The following ANKRD45 variants were observed in gnomAD, a reference collection of about 807,000 sequenced individuals.
ANKRD45 encodes the protein ankyrin repeat domain 45.
A neutral mutation model predicts 28.1 loss-of-function variants in ANKRD45; 21 were observed. That is an observed-to-expected ratio of 0.75 (90% CI 0.53 to 1.08). The LOEUF (loss-of-function observed/expected upper bound fraction) is 1.08, where lower values mean the gene tolerates loss of function less well. Among genes scored for constraint, ANKRD45 ranks in the 50% least tolerant of loss-of-function variants. The probability of loss-of-function intolerance (pLI) is 0.00; values close to 1 mark genes in which losing one functional copy is unlikely to be tolerated. For synonymous variants in ANKRD45, 86 were observed against 103.9 expected, an observed-to-expected ratio of 0.83 and a Z score of 1.05; for missense variants, 261 against 308.7, an observed-to-expected ratio of 0.85 and a Z score of 1.16.
chr1:173,690,923 T>G, the ANKRD45 span, among the ~76,000 whole-genome samples: 1 of 152,122 alleles, frequency 6.6e-6, no homozygotes, highest in Non-Finnish European at 1.5e-5. Flanking sequence ...GGGCTCAATT[T>G]CCCCACTGGA....
At chr1:173,637,134 A>G (rs1054655332) in intron 3 of ANKRD45, 34 of 897,382 alleles carry the variant, frequency 3.8e-5, no homozygotes, top group Non-Finnish European at 5.4e-5. Context: ...ACCTTTATAA[A>G]CTTTTTGCCA....
At chr1:173,668,314 C>T (rs1670109003) in intron 1 of ANKRD45, among the ~76,000 whole-genome samples, 1 of 152,186 alleles carries the variant, frequency 6.6e-6, no homozygotes, top group Admixed American at 6.5e-5. Flanking sequence ...GTGCAAACCA[C>T]TCCAGTCAGG....
At chr1:173,705,194 C>T in the ANKRD45 span, among the ~76,000 whole-genome samples, 1 of 152,162 alleles carries the variant, frequency 6.6e-6, no homozygotes, top group African/African-American at 2.4e-5. Context: ...TGGTACATTA[C>T]AGCATTAACT....
intron 1 of ANKRD45, among the ~76,000 whole-genome samples, chr1:173,665,368 T>G (rs1669962377): frequency 6.6e-6 from 1 of 152,174 alleles, no homozygotes; most frequent in Non-Finnish European, 1.5e-5. Flanking sequence ...TGCCATAGTT[T>G]ATTCCTATGC....
chr1:173,696,366 G>C, the ANKRD45 span, among the ~76,000 whole-genome samples: 1 of 152,216 alleles, frequency 6.6e-6, no homozygotes, highest in Non-Finnish European at 1.5e-5. Flanking sequence ...CCAGTGTCCA[G>C]AATGACATTT....
At chr1:173,690,285 G>A in the ANKRD45 span, among the ~76,000 whole-genome samples, 1 of 152,182 alleles carries the variant, frequency 6.6e-6, no homozygotes, top group Admixed American at 6.5e-5. Flanking sequence ...GGGATAATGT[G>A]AGTAGAGGGG....
intron 1 of ANKRD45, among the ~76,000 whole-genome samples, chr1:173,660,432 A>T (rs2102390487): frequency 6.6e-6 from 1 of 152,334 alleles, no homozygotes; most frequent in South Asian, 2.1e-4. Flanking sequence ...AATTACAATG[A>T]TATGCCATAT....
chr1:173,659,565 A>G, intron 1 of ANKRD45, 132 bp from the exon 2 acceptor site: 1 of 785,922 alleles, frequency 1.3e-6, no homozygotes, highest in East Asian at 2.8e-5. Context: ...ACTATAAAGT[A>G]AGATACTTCA....
chr1:173,701,760 C>G, the ANKRD45 span, among the ~76,000 whole-genome samples: 1 of 152,020 alleles, frequency 6.6e-6, no homozygotes, highest in Non-Finnish European at 1.5e-5. Context: ...ATGGCACATG[C>G]CTATGTAACA....
intron 1 of ANKRD45, among the ~76,000 whole-genome samples, chr1:173,668,512 A>G (rs1211918482): frequency 1.3e-5 from 2 of 152,220 alleles, no homozygotes; most frequent in East Asian, 3.8e-4. Context: ...GGGAAGGCAA[A>G]GGGACCCTGA....
At chr1:173,636,787 T>C (rs2102341423) in intron 3 of ANKRD45, 1 of 1,415,120 alleles carries the variant, frequency 7.1e-7, no homozygotes, top group African/African-American at 1.4e-5. Flanking sequence ...AACTCTACTG[T>C]TTTATGTAGA....
intron 5 of ANKRD45, among the ~76,000 whole-genome samples, chr1:173,623,654 G>A (rs915539183): frequency 4.6e-5 from 7 of 152,086 alleles, no homozygotes; most frequent in African/African-American, 1.7e-4. Flanking sequence ...AAAGATATAT[G>A]CATGTGTATG....
At chr1:173,688,497 C>CCTCT in the ANKRD45 span, among the ~76,000 whole-genome samples, 30 of 120,248 alleles carry the variant, frequency 2.5e-4, 1 homozygote, top group African/African-American at 8.8e-4. Flanking sequence ...TCTGCCTCTT[C>CCTCT]CTCTCTCTGC....
chr1:173,655,988 G>A (rs192736493), intron 2 of ANKRD45, among the ~76,000 whole-genome samples: 8 of 152,310 alleles, frequency 5.3e-5, no homozygotes, highest in Admixed American at 4.6e-4. Flanking sequence ...GGAATGTCCC[G>A]TTTTTCCAGG....
chr1:173,675,189 T>C, the ANKRD45 span, among the ~76,000 whole-genome samples: 1 of 152,174 alleles, frequency 6.6e-6, no homozygotes. Flanking sequence ...GTTTAAGTTA[T>C]TTAGCTTCAG....
intron 2 of ANKRD45, among the ~76,000 whole-genome samples, chr1:173,654,459 G>C (rs914526546): frequency 6.6e-6 from 1 of 152,202 alleles, no homozygotes. Flanking sequence ...TTTCTGCCGA[G>C]AGATCAGCTG....
upstream of ANKRD45, among the ~76,000 whole-genome samples, chr1:173,672,382 T>C (rs911538985): frequency 6.6e-5 from 10 of 152,220 alleles, no homozygotes; most frequent in African/African-American, 1.9e-4. Context: ...AGTTTTAACA[T>C]GCTATTTTTC....
chr1:173,677,883 A>C, the ANKRD45 span, among the ~76,000 whole-genome samples: 1 of 152,208 alleles, frequency 6.6e-6, no homozygotes, highest in Non-Finnish European at 1.5e-5. Flanking sequence ...AGTTACCAAA[A>C]GGCAAAAGAA....
the ANKRD45 span, among the ~76,000 whole-genome samples, chr1:173,696,369 T>C: frequency 6.6e-6 from 1 of 152,220 alleles, no homozygotes; most frequent in Non-Finnish European, 1.5e-5. Flanking sequence ...GTGTCCAGAA[T>C]GACATTTCCT....
Sources: allele counts gnomAD v4.1 joint callset (sites outside exome capture counted in the v4.1 genomes callset), GRCh38; gene constraint gnomAD v4.1.1; transcripts MANE v1.5; gene names NCBI Gene and HGNC (gene_info 2026-07-23, HGNC 2026-07-21).